Variants in CFAP46 observed in about 807,000 individuals in gnomAD.
CFAP46 encodes the protein cilia- and flagella-associated protein 46.
Under a neutral mutation model 325.7 loss-of-function variants are expected in CFAP46, and 245 were observed. The ratio of observed to expected loss-of-function variants is 0.75; its 90% CI spans 0.68 to 0.84. The LOEUF (loss-of-function observed/expected upper bound fraction) is 0.84. Among genes scored for constraint, CFAP46 ranks in the 40% least tolerant of loss-of-function variants. CFAP46 has a pLI of 0.00. For missense variants in CFAP46, 3,346 were observed against 3,543.0 expected, an observed-to-expected ratio of 0.94 and a Z score of 1.41; for synonymous variants, 1,523 against 1,495.9, an observed-to-expected ratio of 1.02 and a Z score of -0.42.
chr10:132,908,697 A>G, intron 21 of CFAP46, 63 bp from the exon 22 acceptor site: 1 of 1,468,558 alleles, frequency 6.8e-7, no homozygotes, highest in East Asian at 2.5e-5. Flanking sequence ...CACGGCCTGC[A>G]GCCCCCACGG....
chr10:132,913,381 G>GGGGGGGGGGGGGGGGGGC, intron 17 of CFAP46, 123 bp from the exon 18 acceptor site: 1 of 350,506 alleles, frequency 2.9e-6, no homozygotes, highest in Non-Finnish European at 5.7e-6. Context: ...GGGCGGGTGG[G>GGGGGGGGGGGGGGGGGGC]CGGCGACCAA....
intron 39 of CFAP46, among the ~76,000 whole-genome samples, chr10:132,856,130 C>T (rs1318080998): frequency 2.0e-5 from 3 of 152,332 alleles, no homozygotes; most frequent in South Asian, 2.1e-4. Flanking sequence ...TGTTTCCTCT[C>T]GGCCTTCACA....
intron 3 of CFAP46, among the ~76,000 whole-genome samples, 180 bp downstream of exon 3, chr10:132,941,411 T>G (rs916228491): frequency 3.3e-5 from 5 of 152,238 alleles, no homozygotes; most frequent in Non-Finnish European, 5.9e-5. Flanking sequence ...GTGTGTCAGA[T>G]ATCACCACTT....
At chr10:132,906,997 G>C (rs1021823934) in intron 22 of CFAP46, among the ~76,000 whole-genome samples, 1 of 152,244 alleles carries the variant, frequency 6.6e-6, no homozygotes. Context: ...CCCCGGACAC[G>C]TGGAAGTTGC....
intron 40 of CFAP46, 48 bp downstream of exon 40, chr10:132,851,069 T>C (rs1220904198): frequency 2.5e-6 from 4 of 1,608,060 alleles, no homozygotes; most frequent in South Asian, 1.1e-5. Context: ...TCAGCTGCAC[T>C]GTGGCCTGGC....
chr10:132,842,817 G>A (rs1848366037), intron 44 of CFAP46, among the ~76,000 whole-genome samples: 1 of 152,150 alleles, frequency 6.6e-6, no homozygotes, highest in African/African-American at 2.4e-5. Context: ...CACGGTGAGG[G>A]GGCTGTGTTA....
intron 45 of CFAP46, 70 bp downstream of exon 45, chr10:132,836,747 G>T: frequency 7.5e-7 from 1 of 1,339,972 alleles, no homozygotes; most frequent in Non-Finnish European, 1.1e-6. Flanking sequence ...GCAGCCCACG[G>T]CTGGGTCTCT....
intron 21 of CFAP46, among the ~76,000 whole-genome samples, chr10:132,908,896 G>C (rs2135526170): frequency 6.6e-6 from 1 of 152,350 alleles, no homozygotes; most frequent in African/African-American, 2.4e-5. Flanking sequence ...GCTCAGGGTT[G>C]GGTGGGAATG....
Position 132,823,182 on chromosome 10 carries a change from C to CTGATGTGTGCTGATGTGTGCTGTG in CFAP46, c.7118-8269_7118-8268insCACAGCACACATCAGCACACATCA, listed in dbSNP as rs146532380. Among the ~76,000 whole-genome samples, 5 of 115,192 alleles carry CTGATGTGTGCTGATGTGTGCTGTG rather than the reference C, an allele frequency of 4.3e-5. No individual in the cohort carries two copies. The East Asian group carries it at 1.5e-3, about 36-fold the overall frequency. 75.6% of individuals were successfully genotyped at this position (115,192 alleles called of 152,430 possible). A position where few individuals can be genotyped will look rare whatever the true frequency, so the allele number is the denominator to read the frequency against. ...GTGAGTGATGTGTGCTGTCTGTGCG[C>CTGATGTGTGCTGATGTGTGCTGTG]TGTGTGCTGATGTGTGCTGTGTGTG... On this transcript the variant is annotated intron_variant, in intron 50 of 57. Coordinates refer to ENST00000368586, the MANE Select transcript of CFAP46 (RefSeq NM_001200049.3).
At chr10:132,905,435 T>A (rs1205952477) in intron 22 of CFAP46, among the ~76,000 whole-genome samples, 1 of 145,756 alleles carries the variant, frequency 6.9e-6, no homozygotes, top group African/African-American at 2.6e-5. Flanking sequence ...ATTTCTAGCA[T>A]CCCACATATC....
intron 24 of CFAP46, among the ~76,000 whole-genome samples, chr10:132,892,660 T>C (rs1056484660): frequency 6.6e-6 from 1 of 152,178 alleles, no homozygotes; most frequent in African/African-American, 2.4e-5. Flanking sequence ...GGCAAACAAC[T>C]CAGGAACTGC....
chr10:132,895,517 G>A (rs909768848), intron 24 of CFAP46, among the ~76,000 whole-genome samples: 22 of 150,928 alleles, frequency 1.5e-4, no homozygotes, highest in African/African-American at 5.4e-4. Context: ...TACTGGAAAA[G>A]AAGAGGTAAA....
chr10:132,869,775 C>T lies in CFAP46; in HGVS notation c.4512-403G>A, dbSNP rs944460213. On this transcript the variant is annotated intron_variant, in intron 32 of 57. Transcript: ENST00000368586. The surrounding 1 kb of genome is among the most constrained non-coding windows in gnomAD (Gnocchi z 6.2). ...ACAGACACCAGGAAGCATCCCTGTG[C>T]GGGCCCCGGTGGTCCCTCTTAGCCC... Among the ~76,000 whole-genome samples, 5 of 152,122 alleles carry T rather than the reference C, an allele frequency of 3.3e-5. No homozygotes were observed. Among genetic ancestry groups the T allele is most frequent in the East Asian group, 1.9e-4 (1 of 5,176 alleles).
At position 132,835,396 on chromosome 10, in the gene CFAP46, C is replaced by T. The variant is rs1262651657; in HGVS notation, c.6652G>A (p.Ala2218Thr). The T allele has an allele frequency of 6.2e-7, 1 of 1,613,682 alleles. No homozygotes were observed. Among genetic ancestry groups the T allele is most frequent in the Admixed American group, 1.7e-5 (1 of 60,016 alleles). ...GCACAGGCCAGCAGGTGGGAGAAGG[C>T]AGTGGGACTTATGGCCAGACGCATC... ...KVMRLAISPT[A>T]FSHLLACAQQ... The change falls in exon 47 of 58, where the codon GCC (alanine) becomes ACC (threonine). Residue 2218 changes from alanine (A) to threonine (T), a missense_variant. Transcript: ENST00000368586.
chr10:132,836,355 G>A, intron 45 of CFAP46, 137 bp from the exon 46 acceptor site: 1 of 758,068 alleles, frequency 1.3e-6, no homozygotes, highest in Non-Finnish European at 2.2e-6. Flanking sequence ...CCCTCCCCGT[G>A]TGCGCCTCCA....
At chr10:132,824,615 CGCTGATGTGT>C (rs1346355129) in intron 50 of CFAP46, among the ~76,000 whole-genome samples, 2 of 65,060 alleles carry the variant, frequency 3.1e-5, no homozygotes, top group South Asian at 6.8e-4. Flanking sequence ...GTGCTGTGTG[CGCTGATGTGT>C]GCTGTGTGCT....
At chr10:132,825,227 T>G (rs1848023782) in intron 50 of CFAP46, among the ~76,000 whole-genome samples, 1 of 150,344 alleles carries the variant, frequency 6.7e-6, no homozygotes, top group South Asian at 2.1e-4. Context: ...CCCTGATGTG[T>G]GCTGTGTGTG....
chr10:132,831,242 G>GTA (rs1247551807), intron 50 of CFAP46, among the ~76,000 whole-genome samples: 13 of 151,816 alleles, frequency 8.6e-5, no homozygotes, highest in Non-Finnish European at 1.9e-4. Context: ...GTGTGTGTGT[G>GTA]TGTGTAAAGT....
intron 28 of CFAP46, 59 bp from the exon 29 acceptor site, chr10:132,879,690 G>A (rs919500166): frequency 7.0e-7 from 1 of 1,426,264 alleles, no homozygotes. Flanking sequence ...GTGGGCCCCA[G>A]GCCACTCCCT....
Sources: allele counts gnomAD v4.1 joint callset (sites outside exome capture counted in the v4.1 genomes callset), GRCh38; gene constraint gnomAD v4.1.1; non-coding constraint Gnocchi (gnomAD v3.1); transcripts MANE v1.5; gene names NCBI Gene and HGNC (gene_info 2026-07-23, HGNC 2026-07-21).